The following ZNF415 variants were observed in gnomAD, a reference collection of about 807,000 sequenced individuals.
The protein encoded by ZNF415 is zinc finger protein 415.
ZNF415 carries 5 observed loss-of-function variants against 7.3 expected under a neutral mutation model. That is an observed-to-expected ratio of 0.69 (90% CI 0.36 to 1.44). The LOEUF is 1.44. ZNF415 is among the 40% of genes most tolerant of loss of function. ZNF415 has a pLI of 0.04. For synonymous variants in ZNF415, 207 were observed against 226.3 expected (o/e 0.91, Z 0.77); for missense variants, 628 against 664.8 (o/e 0.94, Z 0.61).
intron 1 of ZNF415, among the ~76,000 whole-genome samples, chr19:53,124,711 C>T (rs2088741039): frequency 6.6e-6 from 1 of 152,076 alleles, no homozygotes; most frequent in South Asian, 2.1e-4. Context: ...GGATCCCAAG[C>T]CCTGAGACAG....
chr19:53,114,790 C>T (rs1362987947), intron 3 of ZNF415, among the ~76,000 whole-genome samples: 2 of 152,198 alleles, frequency 1.3e-5, no homozygotes, highest in Non-Finnish European at 2.9e-5. Context: ...CACACACCCA[C>T]GAACTGTGGC....
intron 1 of ZNF415, among the ~76,000 whole-genome samples, chr19:53,123,163 G>A (rs758538411): frequency 6.6e-6 from 1 of 152,108 alleles, no homozygotes; most frequent in African/African-American, 2.4e-5. Context: ...CCCAACCTGT[G>A]TGAATGGGAA....
At position 53,115,474 on chromosome 19, in the gene ZNF415, T is replaced by C. The variant is rs1023092377; in HGVS notation, c.136+839A>G. The C allele has an allele frequency of 1.1e-5, 6 of 554,218 alleles. No individual in the cohort carries two copies. In the Admixed American group the frequency reaches 1.8e-4, roughly 17 times the overall value. The allele number at this position is 554,218 out of a possible 1,614,324, so 34.3% of individuals were successfully genotyped here. A position where few individuals can be genotyped will look rare whatever the true frequency, so the allele number is the denominator to read the frequency against. On this transcript the variant is annotated intron_variant, in intron 3 of 3. Coordinates refer to ENST00000243643, the MANE Select transcript of ZNF415 (RefSeq NM_018355.4). ...AGTCAGAGGGCAATGCTGTCCATCA[T>C]GATGAGCACTTCCATTTGTCTCTGT...
At chr19:53,131,925 C>G (rs938245686) in intron 1 of ZNF415, among the ~76,000 whole-genome samples, 1 of 151,938 alleles carries the variant, frequency 6.6e-6, no homozygotes. Flanking sequence ...CGGCTGCCCC[C>G]TCTTGCTGTC....
At chr19:53,116,010 T>C in intron 3 of ZNF415, 1 of 614,976 alleles carries the variant, frequency 1.6e-6, no homozygotes, top group South Asian at 2.0e-5. Context: ...TCTAGCTCCC[T>C]TCCAAGAACT....
chr19:53,109,861 C>T lies in ZNF415; in HGVS notation c.184G>A (p.Gly62Ser). 1 of 1,609,150 alleles carries T rather than the reference C, an allele frequency of 6.2e-7. No homozygotes were observed. Among genetic ancestry groups the T allele is most frequent in the East Asian group, 2.2e-5 (1 of 44,838 alleles). Residue 62 changes from glycine to serine, a missense_variant, in exon 4 of 4, where the codon GGT becomes AGT. Transcript: ENST00000243643. ...GTGTGGAATACTTCTCCTGGGTTACCTTCCTGTTGTGGTGCTAGTTCCTTG... is the reference window on the plus strand; with the variant it reads ...GTGTGGAATACTTCTCCTGGGTTACTTTCCTGTTGTGGTGCTAGTTCCTTG... The part of the protein sequence containing the change: ...VIKELAPQQE[G>S]NPGEVFHTVT...
chr19:53,129,607 C>G (rs942753533), intron 1 of ZNF415: 68 of 399,834 alleles, frequency 1.7e-4, no homozygotes, highest in African/African-American at 1.4e-3. Context: ...AGTCCCTTAT[C>G]TCTGTTACAG....
At position 53,115,864 on chromosome 19, in the gene ZNF415, G is replaced by A. The variant is rs143933836; in HGVS notation, c.136+449C>T. ...TAAAATGAATGGAACATGATGTGCT[G>A]TGGCTTTTCAAGAATCTCAGCCCTT... On this transcript the variant is annotated intron_variant, in intron 3 of 3. Transcript: ENST00000243643. The A allele has an allele frequency of 1.2e-5, 17 of 1,413,250 alleles. No homozygotes were observed. The African/African-American group carries it at 2.3e-4, about 19-fold the overall frequency. 87.5% of individuals were successfully genotyped at this position (1,413,250 alleles called of 1,614,324 possible). A position where few individuals can be genotyped will look rare whatever the true frequency, so the allele number is the denominator to read the frequency against.
chr19:53,127,341 C>T (rs1217273937), intron 1 of ZNF415, among the ~76,000 whole-genome samples: 4 of 152,082 alleles, frequency 2.6e-5, no homozygotes, highest in African/African-American at 7.3e-5. Context: ...TATAGAAGCC[C>T]GGCTACGAAA....
At position 53,109,758 on chromosome 19, in the gene ZNF415, A is replaced by C. The variant is rs763290563; in HGVS notation, c.287T>G (p.Phe96Cys). The C allele has an allele frequency of 1.9e-5, 30 of 1,613,868 alleles. No homozygotes were observed. In the East Asian group the frequency reaches 6.2e-4, roughly 34 times the overall value. The change falls in exon 4 of 4, where the codon TTT (phenylalanine) becomes TGT (cysteine). Residue 96 changes from phenylalanine to cysteine, a missense_variant. Physicochemically the swap from Phe to Cys is radical, Grantham distance 205. Transcript: ENST00000243643. The part of the protein sequence containing the change: ...FREIKKKIHD[F>C]DCQWRDDERN... ...TTCATCATCTCTCCACTGACAGTCA[A>C]AGTCGTGTATTTTTTTCTTGATTTC... is the stretch of plus-strand genomic sequence containing the variant.
intron 3 of ZNF415, among the ~76,000 whole-genome samples, chr19:53,114,687 G>C (rs1055690104): frequency 1.3e-5 from 2 of 152,182 alleles, no homozygotes; most frequent in African/African-American, 2.4e-5. Flanking sequence ...CGTACTCCCT[G>C]TGTAGGACGG....
At chr19:53,129,258 C>A (rs1340391146) in intron 1 of ZNF415, among the ~76,000 whole-genome samples, 1 of 152,076 alleles carries the variant, frequency 6.6e-6, no homozygotes, top group Non-Finnish European at 1.5e-5. Flanking sequence ...TGGACACTGG[C>A]AGGGGCCCTG....
Position 53,109,785 on chromosome 19 carries a change from C to G in ZNF415, c.260G>C (p.Arg87Thr). The change falls in exon 4 of 4, where the codon AGG becomes ACG. Residue 87 changes from arginine to threonine, a missense_variant. Arg to Thr is a moderately conservative substitution (Grantham distance 71). Transcript: ENST00000243643. ...GTCGTGTATTTTTTTCTTGATTTCC[C>G]TGAAGCAAAACTCTTCAATGTCATG... ...EKHDIEEFCF[R>T]EIKKKIHDFD... 1 of 1,614,046 alleles carries G rather than the reference C, an allele frequency of 6.2e-7. No individual in the cohort carries two copies. Among genetic ancestry groups the G allele is most frequent in the Non-Finnish European group, 8.5e-7 (1 of 1,180,008 alleles).
At chr19:53,125,577 G>A (rs544967000) in intron 1 of ZNF415, among the ~76,000 whole-genome samples, 2 of 152,098 alleles carry the variant, frequency 1.3e-5, no homozygotes, top group Non-Finnish European at 2.9e-5. Flanking sequence ...TCAAGTGAGC[G>A]TCCTGTCTCA....
At position 53,121,617 on chromosome 19, in the gene ZNF415, G is replaced by A. The variant is rs147656881; in HGVS notation, c.15+1045C>T. On this transcript the variant is annotated intron_variant, in intron 2 of 3. Transcript: ENST00000243643. ...TAATTTTTGTATTTTTAGTAAAGAC[G>A]GGGTTTCACCATGTTTGCTGGTCTC... is the stretch of plus-strand genomic sequence containing the variant. 7.4e-3 allele frequency among the ~76,000 whole-genome samples: 1,128 copies of A among 151,738 alleles called. 11 individuals carry two copies. Among genetic ancestry groups the A allele is most frequent in the Non-Finnish European group, 0.01 (690 of 67,954 alleles).
rs2085655636 is a variant in ZNF415, at chr19:53,108,102, G to C, written c.*275C>G. 1 of 420,072 alleles carries C rather than the reference G, an allele frequency of 2.4e-6. No homozygotes were observed. Among genetic ancestry groups the C allele is most frequent in the Non-Finnish European group, 4.2e-6 (1 of 238,494 alleles). 26.0% of individuals were successfully genotyped at this position (420,072 alleles called of 1,614,324 possible). ...AGATGTTTACACATTTTGATGTCTAGTGAGTTGTGAGACCTAAATGAAGCC... is the reference window on the plus strand; with the variant it reads ...AGATGTTTACACATTTTGATGTCTACTGAGTTGTGAGACCTAAATGAAGCC... On this transcript the variant is annotated 3_prime_UTR_variant, in exon 4 of 4. Coordinates refer to ENST00000243643, the MANE Select transcript of ZNF415 (RefSeq NM_018355.4).
chr19:53,109,059 G>T lies in ZNF415; in HGVS notation c.986C>A (p.Thr329Lys), dbSNP rs747725184. 6.2e-7 allele frequency: 1 copy of T among 1,612,946 alleles called. No homozygotes were observed. The highest frequency in any genetic ancestry group is 8.5e-7 in the Non-Finnish European group (1 of 1,179,228). Residue 329 changes from threonine (T) to lysine (K), a missense_variant, in exon 4 of 4, where the codon ACA becomes AAA. Physicochemically the swap from Thr to Lys is moderately conservative, Grantham distance 78. Coordinates refer to ENST00000243643, the MANE Select transcript of ZNF415 (RefSeq NM_018355.4). ...QKTHIGEKPY[T>K]CKECGKAFSV... ...AAAGGCTTTGCCACACTCTTTACATGTGTAAGGTTTCTCTCCAATATGAGT... is the reference window on the plus strand; with the variant it reads ...AAAGGCTTTGCCACACTCTTTACATTTGTAAGGTTTCTCTCCAATATGAGT...
Position 53,119,375 on chromosome 19 carries a change from G to A in ZNF415, c.16-2942C>T, listed in dbSNP as rs554457060. Among the ~76,000 whole-genome samples the A allele has an allele frequency of 5.4e-5, 8 of 148,634 alleles. 1 individual carries two copies. Among genetic ancestry groups the A allele is most frequent in the Admixed American group, 2.7e-4 (4 of 14,696 alleles). On this transcript the variant is annotated intron_variant, in intron 2 of 3. Transcript: ENST00000243643. The stretch of plus-strand genomic sequence containing the variant: ...TGGGAGAATCGCTTGAACCAGGGAG[G>A]TGGAGGTTGCAGTGAGCCAAGATTG...
chr19:53,117,595 GA>G (rs956451426), intron 2 of ZNF415, among the ~76,000 whole-genome samples: 10 of 150,574 alleles, frequency 6.6e-5, no homozygotes, highest in African/African-American at 1.5e-4. Flanking sequence ...TGTGCTGAAA[GA>G]AAAAAAAACC....
Sources: allele counts gnomAD v4.1 joint callset (sites outside exome capture counted in the v4.1 genomes callset), GRCh38; gene constraint gnomAD v4.1.1; transcripts MANE v1.5; gene names NCBI Gene and HGNC (gene_info 2026-07-23, HGNC 2026-07-21).